The following FAM3B variants were observed in gnomAD, a reference collection of about 807,000 sequenced individuals.
The protein encoded by FAM3B is protein FAM3B.
FAM3B carries 29 observed loss-of-function variants against 28.4 expected under a neutral mutation model. The ratio of observed to expected loss-of-function variants is 1.02; its 90% CI spans 0.76 to 1.39. FAM3B has a LOEUF of 1.39. FAM3B is among the 40% of genes most tolerant of loss of function. The pLI is 0.00. For missense variants in FAM3B, 266 were observed against 293.9 expected (o/e 0.91, Z 0.69); for synonymous variants, 91 against 103.0 (o/e 0.88, Z 0.71).
chr21:41,330,790 A>G (rs2088899589), intron 2 of FAM3B, among the ~76,000 whole-genome samples: 1 of 152,176 alleles, frequency 6.6e-6, no homozygotes. Flanking sequence ...TTTAGGCTGA[A>G]TAGTATTCTA....
At chr21:41,322,244 CG>C (rs968940304) in intron 1 of FAM3B, among the ~76,000 whole-genome samples, 61 of 152,286 alleles carry the variant, frequency 4.0e-4, no homozygotes, top group African/African-American at 1.4e-3. Context: ...CCTTGGAAAT[CG>C]TGCCACTCAT....
intron 2 of FAM3B, among the ~76,000 whole-genome samples, chr21:41,324,390 A>G (rs891475497): frequency 1.3e-5 from 2 of 152,196 alleles, no homozygotes; most frequent in African/African-American, 2.4e-5. Flanking sequence ...TGGTTACACA[A>G]GGGCGAGAGT....
chr21:41,328,055 A>G (rs1332872280), intron 2 of FAM3B, among the ~76,000 whole-genome samples: 1 of 152,242 alleles, frequency 6.6e-6, no homozygotes, highest in Non-Finnish European at 1.5e-5. Context: ...GACACAATTC[A>G]TAAGTTTCTG....
upstream of FAM3B, among the ~76,000 whole-genome samples, chr21:41,312,602 ACAT>A (rs2088721217): frequency 1.3e-5 from 2 of 152,248 alleles, no homozygotes; most frequent in Admixed American, 1.3e-4. Flanking sequence ...AAATATCTTA[ACAT>A]TTAAAAAGAA....
At position 41,323,774 on chromosome 21, in the gene FAM3B, G is replaced by A. The variant is rs117274317; in HGVS notation, c.163+708G>A. On this transcript the variant is annotated intron_variant, in intron 2 of 7. Coordinates refer to ENST00000357985, the MANE Select transcript of FAM3B (RefSeq NM_058186.4). ...TGGGGAAAGCCTCTGAGAAGGAGGT[G>A]ACAATTGAGAAGCATCTCAGTGAAG... Among the ~76,000 whole-genome samples, 27 of 152,314 alleles carry A rather than the reference G, an allele frequency of 1.8e-4. No homozygotes were observed. The East Asian group carries it at 4.4e-3, about 25-fold the overall frequency.
At chr21:41,333,955 G>A (rs1418732193) in intron 2 of FAM3B, among the ~76,000 whole-genome samples, 1 of 152,204 alleles carries the variant, frequency 6.6e-6, no homozygotes, top group Non-Finnish European at 1.5e-5. Flanking sequence ...TTATACCTTA[G>A]CAAAGAGCTT....
chr21:41,330,134 G>GA (rs3037004), intron 2 of FAM3B, among the ~76,000 whole-genome samples: 102,801 of 138,684 alleles, frequency 0.74, 39,085 homozygotes, highest in South Asian at 0.9. Context: ...GTCTGTATAG[G>GA]AAAAAAAAAA....
At chr21:41,330,685 C>T (rs1385530551) in intron 2 of FAM3B, among the ~76,000 whole-genome samples, 1 of 152,190 alleles carries the variant, frequency 6.6e-6, no homozygotes, top group Non-Finnish European at 1.5e-5. Flanking sequence ...GGTGAGAACA[C>T]GTGGTAGTTG....
intron 2 of FAM3B, among the ~76,000 whole-genome samples, chr21:41,334,363 T>C (rs2145813120): frequency 6.6e-6 from 1 of 151,980 alleles, no homozygotes; most frequent in East Asian, 1.9e-4. Context: ...GCCCAGAGGG[T>C]TAAGAATACA....
At chr21:41,307,013 A>T (rs1032456599) in intron 1 of FAM3B, among the ~76,000 whole-genome samples, 3 of 152,242 alleles carry the variant, frequency 2.0e-5, no homozygotes, top group Non-Finnish European at 2.9e-5. Context: ...CCTGTCTCTG[A>T]AGCTTCGAAC....
intron 1 of FAM3B, among the ~76,000 whole-genome samples, chr21:41,307,060 C>T (rs2088686417): frequency 6.6e-6 from 1 of 152,182 alleles, no homozygotes; most frequent in South Asian, 2.1e-4. Flanking sequence ...CTGAAAGTCC[C>T]AGATGGCACC....
At chr21:41,319,182 C>T (rs2088778833) in intron 1 of FAM3B, among the ~76,000 whole-genome samples, 1 of 152,124 alleles carries the variant, frequency 6.6e-6, no homozygotes, top group Admixed American at 6.6e-5. Flanking sequence ...AGGTGTAAGC[C>T]ACTGCACCCA....
At chr21:41,339,155 G>A (rs934119217) in intron 3 of FAM3B, among the ~76,000 whole-genome samples, 4 of 152,074 alleles carry the variant, frequency 2.6e-5, no homozygotes, top group African/African-American at 9.7e-5. Flanking sequence ...TTAAATATTT[G>A]GTGTGATTTC....
upstream of FAM3B, among the ~76,000 whole-genome samples, chr21:41,313,971 C>T (rs567420599): frequency 1.3e-5 from 2 of 152,224 alleles, no homozygotes; most frequent in Admixed American, 6.5e-5. Flanking sequence ...ATCTAGCTGC[C>T]ATGGATGAAT....
At chr21:41,354,855 CTT>C (rs1487446872) in intron 7 of FAM3B, among the ~76,000 whole-genome samples, 2 of 151,968 alleles carry the variant, frequency 1.3e-5, no homozygotes, top group Non-Finnish European at 2.9e-5. Context: ...TAAAAAAAAA[CTT>C]TTGTGCTTCA....
At chr21:41,311,251 A>ATATATATATAT (rs1171631523) in intron 1 of FAM3B, among the ~76,000 whole-genome samples, 2 of 35,074 alleles carry the variant, frequency 5.7e-5, no homozygotes, top group Non-Finnish European at 9.4e-5. Flanking sequence ...AAAAAAAAAA[A>ATATATATATAT]ATATATATAT....
upstream of FAM3B, chr21:41,316,779 A>G (rs998158722): frequency 4.8e-5 from 59 of 1,233,102 alleles, no homozygotes; most frequent in Non-Finnish European, 5.9e-5. Flanking sequence ...CCTGCCCGAC[A>G]CGACCGCTGC....
chr21:41,313,791 T>TG (rs2088728530), upstream of FAM3B, among the ~76,000 whole-genome samples: 1 of 142,498 alleles, frequency 7.0e-6, no homozygotes, highest in Non-Finnish European at 1.5e-5. Context: ...CCTTTGTCAG[T>TG]GGGGCATTTT....
Position 41,322,953 on chromosome 21 carries a change from C to A in FAM3B, c.50C>A (p.Ala17Asp). The A allele has an allele frequency of 6.2e-7, 1 of 1,613,680 alleles. No homozygotes were observed. The change falls in exon 2 of 8, where the codon GCC (alanine) becomes GAC (aspartate). Residue 17 changes from alanine (A) to aspartate (D), a missense_variant. Physicochemically the swap from Ala to Asp is moderately radical, Grantham distance 126. Transcript: ENST00000357985. ...GLLKVVFVVF[A>D]SLCAWYSGYL... is the part of the protein sequence containing the mutation. ...CTCAAGGTGGTGTTCGTGGTCTTCG[C>A]CTCCTTGTGTGCCTGGTATTCGGGG...
Sources: gnomAD v4.1 joint callset for allele counts (sites outside exome capture counted in the v4.1 genomes callset) on GRCh38, gnomAD v4.1.1 for gene constraint, MANE v1.5 for transcripts, NCBI Gene and HGNC (gene_info 2026-07-23, HGNC 2026-07-21) for gene names.